CFAP74: variants seen among roughly 807,000 people sequenced by gnomAD.
CFAP74 encodes the protein cilia- and flagella-associated protein 74.
CFAP74 carries 124 observed loss-of-function variants against 188.9 expected under a neutral mutation model. The ratio of observed to expected loss-of-function variants is 0.66; its 90% confidence interval spans 0.57 to 0.76. CFAP74 has a LOEUF of 0.76. CFAP74 is among the 30% of genes least tolerant of loss of function. The pLI is 0.00. For synonymous variants in CFAP74, 956 were observed against 916.7 expected (o/e 1.04, Z -0.77); for missense variants, 2,198 against 2,165.2 (o/e 1.02, Z -0.30).
intron 26 of CFAP74, among the ~76,000 whole-genome samples, chr1:1,929,115 G>A (rs949595296): frequency 6.6e-6 from 1 of 151,694 alleles, no homozygotes; most frequent in Non-Finnish European, 1.5e-5. Context: ...GGGCAGTCCT[G>A]TGATTGGAGG....
rs1277750350 is a variant in CFAP74, at chr1:1,975,961, A to C, written c.501-1763T>G. On this transcript the variant is annotated intron_variant, in intron 6 of 38. Transcript: ENST00000682832. The surrounding 1 kb of genome is among the most constrained non-coding windows in gnomAD (Gnocchi z 4.5). ...AACACCCACGACCGGGTCTTCGCAA[A>C]CAACAGAATTTCATTCCTCAGTTCT... Among the ~76,000 whole-genome samples, 2 of 152,194 alleles carry C rather than the reference A, an allele frequency of 1.3e-5. No homozygotes were observed. The highest frequency in any genetic ancestry group is 2.9e-5 in the Non-Finnish European group (2 of 68,022).
At position 1,959,959 on chromosome 1, in the gene CFAP74, C is replaced by A; in HGVS notation, c.1761+5G>T. On this transcript the variant is annotated splice_donor_5th_base_variant and intron_variant, in intron 15 of 38. Coordinates refer to ENST00000682832, the MANE Select transcript of CFAP74 (RefSeq NM_001304360.2). Reference sequence around the variant, plus strand: ...TTCGAGAGAGAACGGGCCCCTCTGACTCACCATCGGCTTGAAGGTGACAAG... The same window carrying A: ...TTCGAGAGAGAACGGGCCCCTCTGAATCACCATCGGCTTGAAGGTGACAAG... The A allele has an allele frequency of 6.3e-7, 1 of 1,587,052 alleles. No homozygotes were observed.
In CFAP74 at chr1:1,923,874, G is replaced by A. The variant is rs1292847621; in HGVS notation, c.4290C>T (p.Val1430=). 7.4e-6 allele frequency: 12 copies of A among 1,613,166 alleles called. No individual in the cohort carries two copies. The South Asian group carries it at 1.3e-4, about 18-fold the overall frequency. The part of the protein sequence containing the change: ...SVFSVAPVKG[V]MDPGKTQDFT... The stretch of plus-strand genomic sequence containing the variant: ...AGTCTTGTGTCTTCCCGGGGTCCAT[G>A]ACGCCCTTGACGGGGGCCACGCTGA... The change falls in exon 35 of 39, where the codon GTC becomes GTT. Residue 1430 remains valine (V), a synonymous_variant. Coordinates refer to ENST00000682832, the MANE Select transcript of CFAP74 (RefSeq NM_001304360.2). The surrounding 1 kb of genome is among the most constrained non-coding windows in gnomAD (Gnocchi z 6.3).
rs888972858 is a variant in CFAP74, at chr1:1,939,129, AGT to A, written c.2878-143_2878-142del. 113 of 884,578 alleles carry A rather than the reference AGT, an allele frequency of 1.3e-4. 1 individual carries two copies. Among genetic ancestry groups the A allele is most frequent in the African/African-American group, 6.6e-4 (40 of 60,184 alleles). The allele number at this position is 884,578 out of a possible 1,614,324, so 54.8% of individuals were successfully genotyped here. On this transcript the variant is annotated intron_variant, in intron 24 of 38. Coordinates refer to ENST00000682832, the MANE Select transcript of CFAP74 (RefSeq NM_001304360.2). ...GAGGGTGAGAGTGTCGCTGTCAACG[AGT>A]GTGTGTCAGCAAGTGTGTGAGTGTG... is the stretch of plus-strand genomic sequence containing the variant.
rs1199969494 is a variant in CFAP74, at chr1:1,975,791, G to A, written c.501-1593C>T. ...TCCCATCAATTCTGGAAAACGCTCA[G>A]TCATTGTTCTGCTGGCTGTCACTTC... On this transcript the variant is annotated intron_variant, in intron 6 of 38. Transcript: ENST00000682832. The surrounding 1 kb of genome is among the most constrained non-coding windows in gnomAD (Gnocchi z 4.5). Among the ~76,000 whole-genome samples the A allele has an allele frequency of 1.3e-5, 2 of 152,138 alleles. No homozygotes were observed. Among genetic ancestry groups the A allele is most frequent in the Admixed American group, 6.5e-5 (1 of 15,272 alleles).
At chr1:1,927,571 G>C (rs945928300) in intron 28 of CFAP74, 36 bp downstream of exon 28, 1 of 1,538,162 alleles carries the variant, frequency 6.5e-7, no homozygotes, top group Non-Finnish European at 8.8e-7. Context: ...GAGGGGCCTG[G>C]AGGGAAGCAG....
chr1:1,971,389 G>A (rs1656056422), intron 9 of CFAP74, among the ~76,000 whole-genome samples: 4 of 149,614 alleles, frequency 2.7e-5, no homozygotes, highest in African/African-American at 5.0e-5. Context: ...ATGCACACAC[G>A]TGCACACACG....
intron 25 of CFAP74, among the ~76,000 whole-genome samples, chr1:1,936,197 A>G (rs1652878764): frequency 7.1e-6 from 1 of 141,820 alleles, no homozygotes. Context: ...AGCCTGGGCA[A>G]CAAGAGCGAT....
At chr1:1,980,786 G>A (rs923366870) in intron 6 of CFAP74, among the ~76,000 whole-genome samples, 9 of 152,284 alleles carry the variant, frequency 5.9e-5, no homozygotes, top group Admixed American at 1.3e-4. Context: ...GGTCTCTCTC[G>A]GGCTGGCCTG....
At position 1,922,149 on chromosome 1, in the gene CFAP74, C is replaced by G. The variant is rs2144686; in HGVS notation, c.*138G>C. ...CCAGGGCAGCAGGAAGTGGCCGTGGCGCCATGTGGAGGGCGGCCTATTGGA... is the reference window on the plus strand; with the variant it reads ...CCAGGGCAGCAGGAAGTGGCCGTGGGGCCATGTGGAGGGCGGCCTATTGGA... On this transcript the variant is annotated 3_prime_UTR_variant, in exon 39 of 39. Transcript: ENST00000682832. 3.2e-6 allele frequency: 2 copies of G among 632,016 alleles called. No individual in the cohort carries two copies. The highest frequency in any genetic ancestry group is 5.5e-6 in the Non-Finnish European group (2 of 365,236). 39.2% of individuals were successfully genotyped at this position (632,016 alleles called of 1,614,324 possible).
intron 23 of CFAP74, 96 bp from the exon 24 acceptor site, chr1:1,939,863 G>A: frequency 8.3e-7 from 1 of 1,207,318 alleles, no homozygotes; most frequent in African/African-American, 1.5e-5. Flanking sequence ...CTGCCTTGTG[G>A]CCATGGCCCA....
intron 1 of CFAP74, among the ~76,000 whole-genome samples, chr1:1,991,821 C>T (rs928200497): frequency 5.9e-5 from 9 of 151,912 alleles, no homozygotes; most frequent in Non-Finnish European, 1.0e-4. Context: ...GGGCGGATCA[C>T]GAGGTCAGGA....
chr1:1,954,093 G>C (rs1347874878), intron 18 of CFAP74: 4 of 152,308 alleles, frequency 2.6e-5, no homozygotes, highest in East Asian at 1.9e-4. Context: ...TGGGCCCAGG[G>C]AAAGACACGC....
chr1:1,935,402 GTA>G (rs1652817484), intron 25 of CFAP74, among the ~76,000 whole-genome samples: 1 of 94,920 alleles, frequency 1.1e-5, no homozygotes, highest in African/African-American at 3.8e-5. Flanking sequence ...ACACACGTCT[GTA>G]TGTGTGGGTG....
At chr1:1,961,077 C>T (rs1200973134) in intron 14 of CFAP74, among the ~76,000 whole-genome samples, 2 of 152,088 alleles carry the variant, frequency 1.3e-5, no homozygotes, top group Admixed American at 1.3e-4. Context: ...CAATTTCAAC[C>T]GTTGATTAGC....
At chr1:1,988,855 C>A (rs538801942) in intron 3 of CFAP74, 34 bp downstream of exon 3, 7 of 580,224 alleles carry the variant, frequency 1.2e-5, no homozygotes, top group Admixed American at 2.6e-5. Context: ...CCCACCCCCC[C>A]ACACCCACCT....
intron 20 of CFAP74, among the ~76,000 whole-genome samples, chr1:1,945,998 A>C (rs940631398): frequency 2.0e-5 from 3 of 147,276 alleles, no homozygotes; most frequent in Non-Finnish European, 3.0e-5. Context: ...GCATGTGTGC[A>C]TGTGTGCGGG....
intron 13 of CFAP74, among the ~76,000 whole-genome samples, chr1:1,964,305 C>T (rs1381145199): frequency 2.0e-5 from 3 of 152,240 alleles, no homozygotes; most frequent in African/African-American, 7.2e-5. Context: ...TGCTACATCC[C>T]TGTCCCGAGG....
chr1:1,944,980 A>T (rs935216622), intron 20 of CFAP74, among the ~76,000 whole-genome samples: 1 of 152,230 alleles, frequency 6.6e-6, no homozygotes, highest in Admixed American at 6.5e-5. Flanking sequence ...CCTACCAGTC[A>T]GCTTCATACT....
Sources: gnomAD v4.1 joint callset for allele counts (sites outside exome capture counted in the v4.1 genomes callset) on GRCh38, gnomAD v4.1.1 for gene constraint, Gnocchi (gnomAD v3.1) non-coding constraint, MANE v1.5 for transcripts, NCBI Gene and HGNC (gene_info 2026-07-23, HGNC 2026-07-21) for gene names.